The following TEX22 variants were observed in gnomAD, a reference collection of about 807,000 sequenced individuals.
The protein encoded by TEX22 is testis expressed 22, also known as testis-expressed protein 22.
TEX22 carries 16 observed loss-of-function variants against 11.3 expected under a neutral mutation model. The ratio of observed to expected loss-of-function variants is 1.42; its 90% CI spans 0.96 to 2.15. The LOEUF is 2.15. Ranked by LOEUF, TEX22 falls within the 30% of genes most tolerant of loss-of-function variation. The probability of loss-of-function intolerance (pLI) is 0.00; values close to 1 mark genes in which losing one functional copy is unlikely to be tolerated. For missense variants in TEX22, 220 were observed against 208.6 expected (o/e 1.05, Z -0.34); for synonymous variants, 97 against 92.3 (o/e 1.05, Z -0.29).
chr14:105,411,715 T>G lies in TEX22; in HGVS notation c.335T>G (p.Leu112Arg), dbSNP rs1722734040. 6.5e-7 allele frequency: 1 copy of G among 1,527,712 alleles called. No individual in the cohort carries two copies. Among genetic ancestry groups the G allele is most frequent in the Non-Finnish European group, 8.8e-7 (1 of 1,142,642 alleles). The allele number at this position is 1,527,712 out of a possible 1,614,324, so 94.6% of individuals were successfully genotyped here. A position where few individuals can be genotyped will look rare whatever the true frequency, so the allele number is the denominator to read the frequency against. The change falls in exon 4 of 4, where the codon CTC becomes CGC. Residue 112 changes from leucine (L) to arginine (R), a missense_variant. Physicochemically the swap from Leu to Arg is moderately radical, Grantham distance 102. Coordinates refer to ENST00000451127, the MANE Select transcript of TEX22 (RefSeq NM_001195082.2). Reference protein sequence around the residue: ...LVSEDVDKDVLLPHPLRSTES... With the variant: ...LVSEDVDKDVRLPHPLRSTES... Reference sequence around the variant, plus strand: ...TCGGAGGACGTGGACAAGGACGTGCTCCTTCCCCACCCGCTGAGGTCCACC... The same window carrying G: ...TCGGAGGACGTGGACAAGGACGTGCGCCTTCCCCACCCGCTGAGGTCCACC...
chr14:105,399,189 T>G (rs1424420562), intron 1 of TEX22, 113 bp from the exon 2 acceptor site: 1 of 637,086 alleles, frequency 1.6e-6, no homozygotes, highest in Non-Finnish European at 2.7e-6. Flanking sequence ...GGCTGGAAGG[T>G]GACCCTAGCA....
chr14:105,409,735 C>A (rs904641129), intron 2 of TEX22, among the ~76,000 whole-genome samples: 2 of 150,122 alleles, frequency 1.3e-5, no homozygotes, highest in Non-Finnish European at 3.0e-5. Context: ...TTCTTTCTTT[C>A]GTTCTTTTTC....
intron 2 of TEX22, 53 bp from the exon 3 acceptor site, chr14:105,411,315 G>A: frequency 2.4e-6 from 3 of 1,258,706 alleles, no homozygotes; most frequent in South Asian, 2.5e-5. Context: ...GGTGGGAGCG[G>A]CGAAGGGGAG....
chr14:105,404,638 G>A (rs1265442161), intron 2 of TEX22, among the ~76,000 whole-genome samples: 4 of 152,168 alleles, frequency 2.6e-5, no homozygotes, highest in Admixed American at 1.3e-4. Context: ...ACGGGAGCTC[G>A]TCACAGTAGA....
chr14:105,409,760 C>G (rs1289061484), intron 2 of TEX22, among the ~76,000 whole-genome samples: 1 of 146,662 alleles, frequency 6.8e-6, no homozygotes, highest in Non-Finnish European at 1.5e-5. Context: ...TTTCTCCTTC[C>G]TTCCTTCTTT....
chr14:105,402,755 C>T (rs1361652575), intron 2 of TEX22, among the ~76,000 whole-genome samples: 1 of 68,402 alleles, frequency 1.5e-5, no homozygotes, highest in Admixed American at 1.7e-4. Context: ...GACTCCGTCT[C>T]AAAAAAAAAA....
At position 105,411,320 on chromosome 14, in the gene TEX22, G is replaced by A. The variant is rs370975208; in HGVS notation, c.151-48G>A. 675 of 1,265,188 alleles carry A rather than the reference G, an allele frequency of 5.3e-4. 3 individuals are homozygous for A. The African/African-American group carries it at 9.9e-3, about 19-fold the overall frequency. 78.4% of individuals were successfully genotyped at this position (1,265,188 alleles called of 1,614,324 possible). On this transcript the variant is annotated intron_variant, in intron 2 of 3. Transcript: ENST00000451127. ...GCGGGTGCTGGGTGGGAGCGGCGAA[G>A]GGGAGCTGGCGCCGAGGCCCTCGCC...
chr14:105,404,270 C>T (rs782511203), intron 2 of TEX22, among the ~76,000 whole-genome samples: 9 of 152,198 alleles, frequency 5.9e-5, no homozygotes, highest in Non-Finnish European at 1.3e-4. Flanking sequence ...AGGACAGCTT[C>T]AGTATCCTCA....
Position 105,412,165 on chromosome 14 carries a change from C to T in TEX22, c.*332C>T. 1 of 231,110 alleles carries T rather than the reference C, an allele frequency of 4.3e-6. No homozygotes were observed. The highest frequency in any genetic ancestry group is 8.4e-6 in the Non-Finnish European group (1 of 118,966). 14.3% of individuals were successfully genotyped at this position (231,110 alleles called of 1,614,324 possible). A position where few individuals can be genotyped will look rare whatever the true frequency, so the allele number is the denominator to read the frequency against. On this transcript the variant is annotated 3_prime_UTR_variant, in exon 4 of 4. Coordinates refer to ENST00000451127, the MANE Select transcript of TEX22 (RefSeq NM_001195082.2). This position sits in a 1 kb window ranked among gnomAD's most constrained non-coding sequence, Gnocchi z 5.8. Reference sequence around the variant, plus strand: ...GGGCCTGCCTGAGGTGCACTGGTGTCCTGGGAAGCCCCAGTGGCAGGCGCT... The same window carrying T: ...GGGCCTGCCTGAGGTGCACTGGTGTTCTGGGAAGCCCCAGTGGCAGGCGCT...
chr14:105,399,273 G>T, intron 1 of TEX22, 29 bp from the exon 2 acceptor site: 3 of 477,838 alleles, frequency 6.3e-6, no homozygotes, highest in Admixed American at 3.3e-5. Flanking sequence ...TGTGGGCCCC[G>T]CCCCACCTCC....
intron 2 of TEX22, among the ~76,000 whole-genome samples, chr14:105,409,685 T>C (rs2081678178): frequency 6.6e-6 from 1 of 151,738 alleles, no homozygotes. Flanking sequence ...TTTTCTTACA[T>C]TTTCTGTTTC....
At chr14:105,401,698 G>A (rs587697099) in intron 2 of TEX22, among the ~76,000 whole-genome samples, 23 of 152,186 alleles carry the variant, frequency 1.5e-4, no homozygotes, top group African/African-American at 5.5e-4. Flanking sequence ...AAACCTGCAT[G>A]TTGTGCACAT....
At chr14:105,406,987 A>C (rs1386164090) in intron 2 of TEX22, among the ~76,000 whole-genome samples, 1 of 152,090 alleles carries the variant, frequency 6.6e-6, no homozygotes, top group Admixed American at 6.6e-5. Context: ...TTCTCGCAGC[A>C]CAGCTTTGAC....
chr14:105,411,316 C>G, intron 2 of TEX22, 52 bp from the exon 3 acceptor site: 1 of 1,257,672 alleles, frequency 8.0e-7, no homozygotes, highest in Non-Finnish European at 1.0e-6. Context: ...GTGGGAGCGG[C>G]GAAGGGGAGC....
chr14:105,412,872 C>T lies in TEX22; in HGVS notation c.*1039C>T, dbSNP rs10136894. 6,114 of 152,380 alleles carry T rather than the reference C, an allele frequency of 0.04. 403 individuals are homozygous for T. Among genetic ancestry groups the T allele is most frequent in the African/African-American group, 0.14 (5,836 of 41,430 alleles). 9.4% of individuals were successfully genotyped at this position (152,380 alleles called of 1,614,324 possible). ...GTGCGGTGGCCTGGACCACCAGATACACTACATGCTGGCTGTGCTGCCCAC... is the reference window on the plus strand; with the variant it reads ...GTGCGGTGGCCTGGACCACCAGATATACTACATGCTGGCTGTGCTGCCCAC... On this transcript the variant is annotated 3_prime_UTR_variant, in exon 4 of 4. Coordinates refer to ENST00000451127, the MANE Select transcript of TEX22 (RefSeq NM_001195082.2). This position sits in a 1 kb window ranked among gnomAD's most constrained non-coding sequence, Gnocchi z 5.8.
rs782178136 is a variant in TEX22 at position 105,402,719 on chromosome 14, G to A, written c.150+3229G>A. On this transcript the variant is annotated intron_variant, in intron 2 of 3. Coordinates refer to ENST00000451127, the MANE Select transcript of TEX22 (RefSeq NM_001195082.2). ...TGCAGTGAGACGAGATTGCGCTACT[G>A]CACTCCAGCCTGGGCGACAGAGCGA... 4.1e-5 allele frequency among the ~76,000 whole-genome samples: 6 copies of A among 144,950 alleles called. No homozygotes were observed. The South Asian group carries it at 1.1e-3, about 26-fold the overall frequency.
At chr14:105,399,170 C>G in intron 1 of TEX22, 132 bp from the exon 2 acceptor site, 1 of 610,506 alleles carries the variant, frequency 1.6e-6, no homozygotes, top group Non-Finnish European at 2.9e-6. Flanking sequence ...TCAGTGATGC[C>G]TGACCTTTGG....
At chr14:105,401,292 T>G (rs1555418319) in intron 2 of TEX22, among the ~76,000 whole-genome samples, 2 of 152,086 alleles carry the variant, frequency 1.3e-5, no homozygotes, top group African/African-American at 4.8e-5. Context: ...AATCTGTAAA[T>G]AAAGTTCAGT....
At chr14:105,404,346 C>G (rs988718262) in intron 2 of TEX22, among the ~76,000 whole-genome samples, 5 of 152,198 alleles carry the variant, frequency 3.3e-5, no homozygotes, top group Non-Finnish European at 5.9e-5. Flanking sequence ...GCAATGACTT[C>G]CATGACTTAA....
Sources: gnomAD v4.1 joint callset for allele counts (sites outside exome capture counted in the v4.1 genomes callset) on GRCh38, gnomAD v4.1.1 for gene constraint, Gnocchi (gnomAD v3.1) non-coding constraint, MANE v1.5 for transcripts, NCBI Gene and HGNC (gene_info 2026-07-23, HGNC 2026-07-21) for gene names.